Variants in MAP3K5 observed in about 807,000 individuals in gnomAD.
MAP3K5 encodes mitogen-activated protein kinase kinase kinase 5, also known as ASK-1.
A neutral mutation model predicts 158.7 loss-of-function variants in MAP3K5; 56 were observed. The observed-to-expected ratio is 0.35, with a 90% CI of 0.28 to 0.44. The LOEUF is 0.44. Among genes scored for constraint, MAP3K5 ranks in the 20% least tolerant of loss-of-function variants. The pLI, the probability that MAP3K5 is intolerant of heterozygous loss-of-function variation, is 1.00. For missense variants in MAP3K5, 1,294 were observed against 1,674.8 expected, an observed-to-expected ratio of 0.77 and a Z score of 3.97; for synonymous variants, 579 against 601.7, an observed-to-expected ratio of 0.96 and a Z score of 0.55.
intron 10 of MAP3K5, 60 bp from the exon 11 acceptor site, chr6:136,651,151 C>CTGCT: frequency 1.2e-6 from 1 of 825,906 alleles, no homozygotes; most frequent in Non-Finnish European, 2.0e-6. Flanking sequence ...CCACTTAGAG[C>CTGCT]TGCTATAACA....
intron 2 of MAP3K5, among the ~76,000 whole-genome samples, chr6:136,719,606 T>A (rs1364203368): frequency 6.6e-6 from 1 of 152,250 alleles, no homozygotes; most frequent in Non-Finnish European, 1.5e-5. Flanking sequence ...CTGACTTTTT[T>A]GCATGAAATA....
chr6:136,714,837 G>A (rs1781453886), intron 2 of MAP3K5, among the ~76,000 whole-genome samples: 1 of 152,056 alleles, frequency 6.6e-6, no homozygotes, highest in Non-Finnish European at 1.5e-5. Context: ...ACAAATTTTG[G>A]TTTGTGCACC....
At chr6:136,766,511 C>T (rs1783975277) in intron 1 of MAP3K5, among the ~76,000 whole-genome samples, 1 of 152,122 alleles carries the variant, frequency 6.6e-6, no homozygotes, top group Admixed American at 6.5e-5. Flanking sequence ...CCAGACATAC[C>T]AGCCAACAAC....
chr6:136,669,452 G>A (rs1779373742), intron 7 of MAP3K5, 57 bp from the exon 8 acceptor site: 2 of 973,300 alleles, frequency 2.1e-6, no homozygotes, highest in African/African-American at 1.6e-5. Flanking sequence ...CCCTGGGTGT[G>A]TAATAGCTTC....
At chr6:136,707,671 T>C (rs1781139073) in intron 2 of MAP3K5, among the ~76,000 whole-genome samples, 2 of 152,244 alleles carry the variant, frequency 1.3e-5, no homozygotes, top group South Asian at 4.1e-4. Context: ...AAGAAGGCTT[T>C]GAATGCTACA....
At chr6:136,775,844 C>G (rs1784384142) in intron 1 of MAP3K5, among the ~76,000 whole-genome samples, 1 of 152,198 alleles carries the variant, frequency 6.6e-6, no homozygotes, top group African/African-American at 2.4e-5. Flanking sequence ...CAATGCATTC[C>G]CTTCTGGGAT....
chr6:136,742,340 A>C (rs1782745177), intron 1 of MAP3K5, among the ~76,000 whole-genome samples: 1 of 152,206 alleles, frequency 6.6e-6, no homozygotes. Flanking sequence ...AAACACAGTC[A>C]ACTGATGTTT....
chr6:136,751,913 T>C (rs1438408935), intron 1 of MAP3K5, among the ~76,000 whole-genome samples: 4 of 152,220 alleles, frequency 2.6e-5, no homozygotes, highest in South Asian at 2.1e-4. Flanking sequence ...TATGGCTTGA[T>C]AGAATCCCAG....
chr6:136,752,126 C>T (rs1783238021), intron 1 of MAP3K5, among the ~76,000 whole-genome samples: 1 of 152,210 alleles, frequency 6.6e-6, no homozygotes, highest in African/African-American at 2.4e-5. Flanking sequence ...CTCCCTCATT[C>T]ATTCATGCAC....
At chr6:136,732,254 G>T (rs2327759) in intron 1 of MAP3K5, among the ~76,000 whole-genome samples, 68,772 of 151,698 alleles carry the variant, frequency 0.45, 15,747 homozygotes, top group Middle Eastern at 0.51. Context: ...GTGAAATACC[G>T]TCTCTACCAA....
intron 25 of MAP3K5, among the ~76,000 whole-genome samples, chr6:136,575,161 A>AT (rs60443578): frequency 0.15 from 18,518 of 127,400 alleles, 1,505 homozygotes; most frequent in African/African-American, 0.2. Context: ...ATACAATACT[A>AT]TTTTTTTTTT....
intron 3 of MAP3K5, among the ~76,000 whole-genome samples, chr6:136,701,069 TAA>T (rs1171973487): frequency 6.6e-6 from 1 of 152,216 alleles, no homozygotes; most frequent in Non-Finnish European, 1.5e-5. Flanking sequence ...GCCTTCATTT[TAA>T]AAGTGAGGAG....
intron 27 of MAP3K5, among the ~76,000 whole-genome samples, chr6:136,562,028 TAAAC>T (rs991646040): frequency 7.2e-5 from 11 of 152,220 alleles, no homozygotes; most frequent in African/African-American, 2.4e-4. Context: ...GCCACATATC[TAAAC>T]AAATAACTAT....
intron 23 of MAP3K5, among the ~76,000 whole-genome samples, chr6:136,591,740 T>G (rs1204533527): frequency 6.6e-6 from 1 of 152,214 alleles, no homozygotes; most frequent in Non-Finnish European, 1.5e-5. Context: ...CCTTACAAGC[T>G]CAGGGGTTCT....
At chr6:136,733,432 T>C (rs1332260618) in intron 1 of MAP3K5, among the ~76,000 whole-genome samples, 1 of 152,208 alleles carries the variant, frequency 6.6e-6, no homozygotes, top group Non-Finnish European at 1.5e-5. Context: ...GTTTATATCT[T>C]CTGGTGCATA....
chr6:136,769,186 T>C (rs753299694), intron 1 of MAP3K5, among the ~76,000 whole-genome samples: 14 of 152,120 alleles, frequency 9.2e-5, no homozygotes, highest in Non-Finnish European at 1.6e-4. Flanking sequence ...GTGAATGAAG[T>C]ACAGATCCCT....
chr6:136,695,034 G>T (rs543079596), intron 6 of MAP3K5, among the ~76,000 whole-genome samples: 44 of 152,294 alleles, frequency 2.9e-4, no homozygotes, highest in African/African-American at 9.6e-4. Flanking sequence ...GTTGCCTAGA[G>T]TTGGGGGATT....
intron 1 of MAP3K5, among the ~76,000 whole-genome samples, chr6:136,779,340 G>A (rs1784519185): frequency 6.6e-6 from 1 of 151,908 alleles, no homozygotes; most frequent in Admixed American, 6.6e-5. Context: ...CTACGTGGGA[G>A]GCTGAGGCAG....
intron 11 of MAP3K5, among the ~76,000 whole-genome samples, chr6:136,645,702 CT>C (rs1455671772): frequency 6.6e-6 from 1 of 152,142 alleles, no homozygotes; most frequent in Non-Finnish European, 1.5e-5. Flanking sequence ...AATTTTACCC[CT>C]GAATGTAGAG....
Sources: allele counts gnomAD v4.1 joint callset (sites outside exome capture counted in the v4.1 genomes callset), GRCh38; gene constraint gnomAD v4.1.1; transcripts MANE v1.5; gene names NCBI Gene and HGNC (gene_info 2026-07-23, HGNC 2026-07-21).